GPM6A: variants seen among roughly 807,000 people sequenced by gnomAD.
The protein encoded by GPM6A is neuronal membrane glycoprotein M6-a.
Under a neutral mutation model 32.1 loss-of-function variants are expected in GPM6A, and 7 were observed. The ratio of observed to expected loss-of-function variants is 0.22; its 90% CI spans 0.12 to 0.41. The LOEUF (loss-of-function observed/expected upper bound fraction) is 0.41. Ranked by LOEUF, GPM6A falls within the 10% of genes least tolerant of loss-of-function variation. GPM6A has a pLI of 1.00. For missense variants in GPM6A, 235 were observed against 347.2 expected (o/e 0.68, Z 2.57); for synonymous variants, 130 against 123.4 (o/e 1.05, Z -0.35).
intron 1 of GPM6A, among the ~76,000 whole-genome samples, chr4:175,736,934 T>C (rs1383253696): frequency 6.6e-6 from 1 of 152,218 alleles, no homozygotes; most frequent in Non-Finnish European, 1.5e-5. Flanking sequence ...GATGCTGGTG[T>C]AAACAAGCCT....
At chr4:175,729,761 T>G (rs1056729254) in intron 1 of GPM6A, among the ~76,000 whole-genome samples, 4 of 143,190 alleles carry the variant, frequency 2.8e-5, no homozygotes, top group Admixed American at 7.2e-5. Flanking sequence ...ATATAGTATA[T>G]ATTATCTATT....
At chr4:175,671,546 G>A (rs1486386763) in intron 3 of GPM6A, among the ~76,000 whole-genome samples, 2 of 145,800 alleles carry the variant, frequency 1.4e-5, no homozygotes, top group Non-Finnish European at 3.0e-5. Flanking sequence ...AGGAGAGGGT[G>A]GACGATAAAT....
intron 1 of GPM6A, among the ~76,000 whole-genome samples, chr4:175,829,744 A>G (rs570544358): frequency 6.9e-4 from 102 of 147,794 alleles, no homozygotes; most frequent in Non-Finnish European, 1.3e-3. Context: ...TAAGATATAT[A>G]TATAGATATA....
chr4:175,846,720 G>A (rs1736098387), intron 1 of GPM6A, among the ~76,000 whole-genome samples: 2 of 152,076 alleles, frequency 1.3e-5, no homozygotes, highest in South Asian at 4.1e-4. Context: ...TTTCATAAAT[G>A]TGCAAAAGCT....
rs151141705 is a variant in GPM6A at position 175,762,898 on chromosome 4, C to T, written c.37+49293G>A. Among the ~76,000 whole-genome samples, 531 of 151,876 alleles carry T rather than the reference C, an allele frequency of 3.5e-3. 3 individuals carry two copies. The highest frequency in any genetic ancestry group is 6.6e-3 in the Non-Finnish European group (448 of 67,962). On this transcript the variant is annotated intron_variant, in intron 1 of 6. Coordinates refer to ENST00000393658, the MANE Select transcript of GPM6A (RefSeq NM_201591.3). Reference sequence around the variant, plus strand: ...GAAACTAGATTGACTCGTGGTTGCGCGGGACTGGGAGAGAGGGAAGGGAAA... The same window carrying T: ...GAAACTAGATTGACTCGTGGTTGCGTGGGACTGGGAGAGAGGGAAGGGAAA...
intron 1 of GPM6A, among the ~76,000 whole-genome samples, chr4:175,959,789 A>C (rs1202556854): frequency 6.6e-6 from 1 of 152,188 alleles, no homozygotes; most frequent in Non-Finnish European, 1.5e-5. Flanking sequence ...ATGGCCAATC[A>C]TCTGTCCAGG....
At chr4:175,787,592 T>C in intron 1 of GPM6A, 1 of 1,348,460 alleles carries the variant, frequency 7.4e-7, no homozygotes. Context: ...GATTTCTAAT[T>C]CAGCTTTTTT....
chr4:175,677,838 C>T (rs60847265), intron 2 of GPM6A, among the ~76,000 whole-genome samples: 7,545 of 152,128 alleles, frequency 0.05, 211 homozygotes, highest in Non-Finnish European at 0.063. Flanking sequence ...TCACCATATC[C>T]AAATGTACCA....
chr4:175,660,820 T>C (rs376709827), intron 3 of GPM6A, among the ~76,000 whole-genome samples: 1 of 152,236 alleles, frequency 6.6e-6, no homozygotes, highest in East Asian at 1.9e-4. Flanking sequence ...GTCTGATTTA[T>C]GTGGAAGAAA....
intron 1 of GPM6A, among the ~76,000 whole-genome samples, chr4:175,871,332 T>C (rs553740179): frequency 1.3e-5 from 2 of 151,984 alleles, no homozygotes; most frequent in South Asian, 4.2e-4. Flanking sequence ...TAGCCGGATG[T>C]GGTAGTGGAT....
intron 1 of GPM6A, among the ~76,000 whole-genome samples, chr4:175,826,008 C>T (rs1735423901): frequency 1.3e-5 from 2 of 151,940 alleles, no homozygotes; most frequent in African/African-American, 4.8e-5. Flanking sequence ...AGCAAAACCC[C>T]ATCTCAAAAA....
upstream of GPM6A, chr4:175,813,197 T>C (rs1734996783): frequency 2.2e-6 from 1 of 452,184 alleles, no homozygotes; most frequent in African/African-American, 2.1e-5. Context: ...GGGAATTTCT[T>C]TAAAGGTCAG....
chr4:175,779,016 G>T (rs532806530), intron 1 of GPM6A, among the ~76,000 whole-genome samples: 2 of 151,936 alleles, frequency 1.3e-5, no homozygotes, highest in South Asian at 4.2e-4. Context: ...ACATTTGTTG[G>T]TAATTGAGGT....
intron 1 of GPM6A, among the ~76,000 whole-genome samples, chr4:175,867,635 C>T (rs1029695946): frequency 6.6e-6 from 1 of 152,160 alleles, no homozygotes; most frequent in South Asian, 2.1e-4. Context: ...ATTTCTATTT[C>T]CATAGATCTA....
upstream of GPM6A, chr4:175,812,980 A>G (rs1734988361): frequency 4.1e-6 from 4 of 985,296 alleles, no homozygotes; most frequent in South Asian, 1.9e-4. Flanking sequence ...TTAAAAAGAA[A>G]TAGAAGCGTG....
intron 1 of GPM6A, among the ~76,000 whole-genome samples, chr4:175,914,570 G>A (rs1442608140): frequency 2.0e-5 from 3 of 152,164 alleles, no homozygotes; most frequent in African/African-American, 7.2e-5. Context: ...TGATCTGCCC[G>A]CCTTGGCCTC....
At chr4:175,747,245 GGTGACA>G (rs2111179592) in intron 1 of GPM6A, among the ~76,000 whole-genome samples, 1 of 136,442 alleles carries the variant, frequency 7.3e-6, no homozygotes, top group African/African-American at 2.7e-5. Context: ...ACTCCAGCTT[GGTGACA>G]GAGCAAGACT....
At chr4:175,704,659 A>T (rs1745074590) in intron 1 of GPM6A, among the ~76,000 whole-genome samples, 1 of 152,186 alleles carries the variant, frequency 6.6e-6, no homozygotes, top group African/African-American at 2.4e-5. Context: ...ACATAGCCTC[A>T]TGATTTTAAA....
intron 1 of GPM6A, among the ~76,000 whole-genome samples, chr4:175,897,572 T>C (rs1471457169): frequency 6.6e-6 from 1 of 152,206 alleles, no homozygotes; most frequent in Non-Finnish European, 1.5e-5. Flanking sequence ...ACAATGTTTC[T>C]ACTACCCCTG....
Sources: gnomAD v4.1 joint callset for allele counts (sites outside exome capture counted in the v4.1 genomes callset) on GRCh38, gnomAD v4.1.1 for gene constraint, MANE v1.5 for transcripts, NCBI Gene and HGNC (gene_info 2026-07-23, HGNC 2026-07-21) for gene names.